ITGAL: variants seen among roughly 807,000 people sequenced by gnomAD.
ITGAL encodes the protein integrin subunit alpha L.
A neutral mutation model predicts 138.4 loss-of-function variants in ITGAL; 68 were observed. The observed-to-expected ratio is 0.49, with a 90% CI of 0.40 to 0.60. The LOEUF (loss-of-function observed/expected upper bound fraction) is 0.60, where lower values mean the gene tolerates loss of function less well. Ranked by LOEUF, ITGAL falls within the 20% of genes least tolerant of loss-of-function variation. The pLI is 0.00. For missense variants in ITGAL, 1,256 were observed against 1,478.6 expected, an observed-to-expected ratio of 0.85 and a Z score of 2.47; for synonymous variants, 561 against 584.3, an observed-to-expected ratio of 0.96 and a Z score of 0.57.
chr16:30,490,696 G>C (rs1337388538), intron 11 of ITGAL, among the ~76,000 whole-genome samples: 6 of 152,086 alleles, frequency 3.9e-5, no homozygotes, highest in Non-Finnish European at 7.3e-5. Context: ...TTATTAGTAA[G>C]AGGACTGGCC....
chr16:30,496,151 C>A lies in ITGAL; in HGVS notation c.1558C>A (p.Arg520=), dbSNP rs764357270. The A allele has an allele frequency of 1.9e-6, 3 of 1,614,010 alleles. No homozygotes were observed. Among genetic ancestry groups the A allele is most frequent in the Non-Finnish European group, 2.5e-6 (3 of 1,179,992 alleles). The stretch of plus-strand genomic sequence containing the variant: ...GGGGGACCCCGGCTACCCACTCGGG[C>A]GGTTTGGAGAAGCCATCACTGCTCT... ...LQGDPGYPLG[R]FGEAITALTD... Residue 520 remains arginine (R), a synonymous_variant, in exon 14 of 31, where the codon CGG becomes AGG. Coordinates refer to ENST00000356798, the MANE Select transcript of ITGAL (RefSeq NM_002209.3).
At chr16:30,504,082 C>A in intron 17 of ITGAL, 93 bp from the exon 18 acceptor site, 1 of 975,756 alleles carries the variant, frequency 1.0e-6, no homozygotes, top group Non-Finnish European at 1.6e-6. Context: ...ACCAGAATTT[C>A]ATCACTTGTA....
At chr16:30,483,755 T>C (rs1384553864) in intron 7 of ITGAL, 72 bp from the exon 8 acceptor site, 1 of 1,494,136 alleles carries the variant, frequency 6.7e-7, no homozygotes, top group Non-Finnish European at 9.1e-7. Flanking sequence ...GGTGACTTGA[T>C]GAGCAGGTGG....
At chr16:30,501,845 A>G (rs2050903825) in intron 17 of ITGAL, among the ~76,000 whole-genome samples, 1 of 152,056 alleles carries the variant, frequency 6.6e-6, no homozygotes, top group Non-Finnish European at 1.5e-5. Context: ...AGCCTGGGCA[A>G]CATAGCGAGA....
At position 30,478,697 on chromosome 16, in the gene ITGAL, C is replaced by CAAAA. The variant is rs59193580; in HGVS notation, c.328-379_328-376dup. ...AGGCGATAGAGCGAAGACTCCATCT[C>CAAAA]AAAAAAAAAAAAAAAAAAGAAAGAA... On this transcript the variant is annotated intron_variant, in intron 4 of 30. Coordinates refer to ENST00000356798, the MANE Select transcript of ITGAL (RefSeq NM_002209.3). 1.0e-4 allele frequency among the ~76,000 whole-genome samples: 11 copies of CAAAA among 106,496 alleles called. No homozygotes were observed. In the East Asian group the frequency reaches 1.5e-3, roughly 15 times the overall value. The allele number at this position is 106,496 out of a possible 152,430, so 69.9% of individuals were successfully genotyped here. A position where few individuals can be genotyped will look rare whatever the true frequency, so the allele number is the denominator to read the frequency against.
chr16:30,489,395 T>G lies in ITGAL; in HGVS notation c.1213+9T>G, dbSNP rs3087437. The stretch of plus-strand genomic sequence containing the variant: ...GAGAGCAGGCTATTTGGGTGAGTAC[T>G]TCTCTTTTCTGCTGGGATCTTCTGG... On this transcript the variant is annotated intron_variant, in intron 11 of 30. Transcript: ENST00000356798. 19,991 of 1,613,430 alleles carry G rather than the reference T, an allele frequency of 0.012. 170 individuals are homozygous for G. The highest frequency in any genetic ancestry group is 0.016 in the Non-Finnish European group (18,642 of 1,179,378).
intron 9 of ITGAL, among the ~76,000 whole-genome samples, chr16:30,486,537 C>T (rs1048531885): frequency 6.6e-6 from 1 of 151,938 alleles, no homozygotes; most frequent in African/African-American, 2.4e-5. Flanking sequence ...TCACTCTCAA[C>T]TGGCTTTTAA....
intron 25 of ITGAL, 52 bp from the exon 26 acceptor site, chr16:30,516,921 C>G (rs1223801753): frequency 7.9e-7 from 1 of 1,263,538 alleles, no homozygotes; most frequent in Non-Finnish European, 1.2e-6. Context: ...GTCTGGGGGG[C>G]AGCTGGGGTG....
At chr16:30,493,241 A>C (rs1350110012) in intron 11 of ITGAL, among the ~76,000 whole-genome samples, 1 of 139,842 alleles carries the variant, frequency 7.2e-6, no homozygotes, top group Admixed American at 7.8e-5. Flanking sequence ...TGACTAATAT[A>C]TACCATTTTA....
At chr16:30,517,986 C>T (rs1200701494) in intron 28 of ITGAL, 91 bp downstream of exon 28, 2 of 987,448 alleles carry the variant, frequency 2.0e-6, no homozygotes, top group East Asian at 2.4e-5. Flanking sequence ...TAGTCTGCCT[C>T]CATTTTTGTT....
chr16:30,484,811 C>G (rs535437871), intron 9 of ITGAL, among the ~76,000 whole-genome samples: 1 of 151,984 alleles, frequency 6.6e-6, no homozygotes, highest in East Asian at 1.9e-4. Flanking sequence ...CCCAGCTACT[C>G]AGGGGGCTGA....
At chr16:30,500,488 G>A in intron 17 of ITGAL, among the ~76,000 whole-genome samples, 1 of 151,862 alleles carries the variant, frequency 6.6e-6, no homozygotes, top group Non-Finnish European at 1.5e-5. Context: ...TGAGTAGCAG[G>A]GACTACAAGT....
Position 30,483,892 on chromosome 16 carries a change from C to T in ITGAL, c.788C>T (p.Thr263Met). The T allele has an allele frequency of 1.2e-6, 2 of 1,614,080 alleles. No homozygotes were observed. The highest frequency in any genetic ancestry group is 1.1e-5 in the South Asian group (1 of 91,076). ...PDATKVLIIITDGEATDSGNI... is the reference protein window; with the variant it reads ...PDATKVLIIIMDGEATDSGNI... ...GCCACCAAAGTGCTTATCATCATCA[C>T]GGATGGGGAGGCCACTGACAGTGGC... is the stretch of plus-strand genomic sequence containing the variant. Residue 263 changes from threonine (T) to methionine (M), a missense_variant, in exon 8 of 31, where the codon ACG (threonine) becomes ATG (methionine). Thr to Met is a moderately conservative substitution (Grantham distance 81). Coordinates refer to ENST00000356798, the MANE Select transcript of ITGAL (RefSeq NM_002209.3).
intron 21 of ITGAL, among the ~76,000 whole-genome samples, chr16:30,507,094 G>A (rs2051012800): frequency 6.6e-6 from 1 of 152,170 alleles, no homozygotes; most frequent in Non-Finnish European, 1.5e-5. Context: ...AGGCCAAGGC[G>A]GGCAGATCAC....
chr16:30,484,850 C>T (rs1391748924), intron 9 of ITGAL, among the ~76,000 whole-genome samples: 4 of 151,126 alleles, frequency 2.6e-5, no homozygotes, highest in Non-Finnish European at 4.4e-5. Context: ...ACCCAGGAGG[C>T]GGAGGTTGTA....
At chr16:30,492,499 G>A (rs993337785) in intron 11 of ITGAL, among the ~76,000 whole-genome samples, 29 of 151,038 alleles carry the variant, frequency 1.9e-4, no homozygotes, top group African/African-American at 5.8e-4. Flanking sequence ...TGATCCACCC[G>A]CCTTGGGCTC....
intron 13 of ITGAL, among the ~76,000 whole-genome samples, chr16:30,495,185 C>A (rs1837559922): frequency 6.6e-6 from 1 of 152,084 alleles, no homozygotes; most frequent in Admixed American, 6.6e-5. Flanking sequence ...CCACCATGCC[C>A]AGCTAATTTT....
rs775921453 is a variant in ITGAL at position 30,479,161 on chromosome 16, G to A, written c.398G>A (p.Arg133His). 1.7e-5 allele frequency: 27 copies of A among 1,613,946 alleles called. No individual in the cohort carries two copies. Among genetic ancestry groups the A allele is most frequent in the East Asian group, 2.2e-5 (1 of 44,898 alleles). ...TYLSGLCYLF[R>H]QNLQGPMLQG... ...CTGAGTGGCCTGTGTTACCTCTTCC[G>A]CCAGAATCTGCAGGGTCCCATGCTG... is the stretch of plus-strand genomic sequence containing the variant. Residue 133 changes from arginine (R) to histidine (H), a missense_variant, in exon 5 of 31, where the codon CGC becomes CAC. Physicochemically the swap from Arg to His is conservative, Grantham distance 29 (BLOSUM62 0). Coordinates refer to ENST00000356798, the MANE Select transcript of ITGAL (RefSeq NM_002209.3).
chr16:30,483,722 G>T, intron 7 of ITGAL, 105 bp from the exon 8 acceptor site: 1 of 1,267,566 alleles, frequency 7.9e-7, no homozygotes, highest in Non-Finnish European at 1.1e-6. Context: ...ATCCAGGAAG[G>T]GCTTTTGCGT....
Sources: allele counts gnomAD v4.1 joint callset (sites outside exome capture counted in the v4.1 genomes callset), GRCh38; gene constraint gnomAD v4.1.1; transcripts MANE v1.5; gene names NCBI Gene and HGNC (gene_info 2026-07-23, HGNC 2026-07-21).